Variants in MRPL48 observed in about 807,000 individuals in gnomAD.
MRPL48 encodes large ribosomal subunit protein mL48.
In MRPL48, 16 loss-of-function variants were observed where a neutral mutation model predicts 32.9. That is an observed-to-expected ratio of 0.49 (90% CI 0.33 to 0.74). The LOEUF is 0.74. MRPL48 is among the 30% of genes least tolerant of loss of function. The probability of loss-of-function intolerance (pLI) is 0.02; values close to 1 mark genes in which losing one functional copy is unlikely to be tolerated. For synonymous variants in MRPL48, 94 were observed against 89.2 expected, an observed-to-expected ratio of 1.05 and a Z score of -0.31; for missense variants, 206 against 245.3, an observed-to-expected ratio of 0.84 and a Z score of 1.07.
At chr11:73,845,157 G>T (rs1247689334) in intron 5 of MRPL48, 181 bp downstream of exon 5, 6 of 531,410 alleles carry the variant, frequency 1.1e-5, no homozygotes, top group Non-Finnish European at 1.8e-5. Flanking sequence ...TTGGTGCCCT[G>T]GTGTAGTCAG....
At chr11:73,837,891 G>A (rs750937630) in intron 4 of MRPL48, among the ~76,000 whole-genome samples, 25 of 152,004 alleles carry the variant, frequency 1.6e-4, no homozygotes, top group Non-Finnish European at 2.8e-4. Flanking sequence ...ACTGTTGCCC[G>A]GGCTGGAGTG....
intron 1 of MRPL48, among the ~76,000 whole-genome samples, chr11:73,800,810 C>CTTTTTTTTTTTTT (rs1223951183): frequency 3.0e-5 from 4 of 132,864 alleles, no homozygotes; most frequent in Non-Finnish European, 6.4e-5. Flanking sequence ...TTTTCTTTTT[C>CTTTTTTTTTTTTT]TTTTTTTTTT....
intron 4 of MRPL48, among the ~76,000 whole-genome samples, chr11:73,836,536 G>T (rs1404338319): frequency 6.6e-6 from 1 of 152,052 alleles, no homozygotes; most frequent in African/African-American, 2.4e-5. Context: ...GGTGCTGTAA[G>T]TACTATGTGC....
chr11:73,839,114 A>C (rs1185065741), intron 4 of MRPL48, among the ~76,000 whole-genome samples: 2 of 152,212 alleles, frequency 1.3e-5, no homozygotes, highest in Admixed American at 1.3e-4. Flanking sequence ...TATTTTGTTC[A>C]GTTCTCAAAA....
At chr11:73,858,005 A>T (rs1190351917) in intron 5 of MRPL48, among the ~76,000 whole-genome samples, 1 of 152,192 alleles carries the variant, frequency 6.6e-6, no homozygotes, top group Non-Finnish European at 1.5e-5. Flanking sequence ...TAAAGAATAA[A>T]ACCCATTATT....
chr11:73,847,897 T>C (rs1429121730), intron 5 of MRPL48, among the ~76,000 whole-genome samples: 1 of 152,184 alleles, frequency 6.6e-6, no homozygotes, highest in Non-Finnish European at 1.5e-5. Flanking sequence ...CCTTTGCAGA[T>C]ACGTGTTTTG....
At chr11:73,824,990 C>T (rs1947857237) in intron 3 of MRPL48, among the ~76,000 whole-genome samples, 1 of 152,180 alleles carries the variant, frequency 6.6e-6, no homozygotes, top group South Asian at 2.1e-4. Flanking sequence ...CCCAGTCCTG[C>T]AGTGGAGAAT....
At chr11:73,816,827 A>ATTTTTTTTT in intron 3 of MRPL48, among the ~76,000 whole-genome samples, 1 of 146,838 alleles carries the variant, frequency 6.8e-6, no homozygotes, top group African/African-American at 2.6e-5. Flanking sequence ...TATTTTGTTT[A>ATTTTTTTTT]TTATTTTTTT....
At chr11:73,842,419 A>C (rs1159786082) in intron 4 of MRPL48, 1 of 152,076 alleles carries the variant, frequency 6.6e-6, no homozygotes, top group Non-Finnish European at 1.5e-5. Context: ...TGCTTTTATC[A>C]TTTGTTTTAT....
chr11:73,801,793 T>C (rs1947367460), intron 1 of MRPL48, among the ~76,000 whole-genome samples: 1 of 152,230 alleles, frequency 6.6e-6, no homozygotes, highest in Non-Finnish European at 1.5e-5. Flanking sequence ...ATGCTTATCT[T>C]GTAAAGGTAT....
chr11:73,859,960 G>A lies in MRPL48; in HGVS notation c.425G>A (p.Ser142Asn), dbSNP rs1477844186. Reference sequence around the variant, plus strand: ...GTGTTGCAGTTGCAGGACCAAGGCAGCAAAATGCTCCTGGACTCAGTGCTT... The same window carrying A: ...GTGTTGCAGTTGCAGGACCAAGGCAACAAAATGCTCCTGGACTCAGTGCTT... ...IEVLQLQDQG[S>N]KMLLDSVLTT... Residue 142 changes from serine to asparagine, a missense_variant, in exon 6 of 8, where the codon AGC (serine) becomes AAC (asparagine). By Grantham distance (46) the Ser-to-Asn change is conservative. Coordinates refer to ENST00000310614, the MANE Select transcript of MRPL48 (RefSeq NM_016055.6). 6.2e-7 allele frequency: 1 copy of A among 1,613,856 alleles called. No homozygotes were observed. The highest frequency in any genetic ancestry group is 8.5e-7 in the Non-Finnish European group (1 of 1,179,854).
At chr11:73,802,226 A>AT (rs1947374479) in intron 1 of MRPL48, 2 of 152,208 alleles carry the variant, frequency 1.3e-5, no homozygotes, top group Non-Finnish European at 2.9e-5. Context: ...CAATGCCTGC[A>AT]ATATTGCTTA....
chr11:73,820,294 T>C (rs1947753517), intron 3 of MRPL48, among the ~76,000 whole-genome samples: 1 of 152,118 alleles, frequency 6.6e-6, no homozygotes, highest in South Asian at 2.1e-4. Flanking sequence ...GTTCAATCTC[T>C]GCTCACTGCA....
In MRPL48 at chr11:73,825,704, T is replaced by G; in HGVS notation, c.113-4T>G. 1 of 1,555,752 alleles carries G rather than the reference T, an allele frequency of 6.4e-7. No homozygotes were observed. Among genetic ancestry groups the G allele is most frequent in the South Asian group, 1.2e-5 (1 of 84,220 alleles). On this transcript the variant is annotated splice_polypyrimidine_tract_variant and splice_region_variant and intron_variant, in intron 3 of 7. Transcript: ENST00000310614. ...ACAGGTTTGTCTTATTTTCTCTCTT[T>G]TAGGTGGAATTCTACTAAGTATCAG...
At chr11:73,834,540 G>GTT (rs534340872) in intron 4 of MRPL48, among the ~76,000 whole-genome samples, 8,040 of 121,386 alleles carry the variant, frequency 0.066, 245 homozygotes, top group Middle Eastern at 0.12. Flanking sequence ...TTTTTTTTTT[G>GTT]TTTTTTTTTT....
At chr11:73,804,198 A>G (rs1590938831) in intron 1 of MRPL48, among the ~76,000 whole-genome samples, 2 of 152,060 alleles carry the variant, frequency 1.3e-5, no homozygotes, top group Non-Finnish European at 2.9e-5. Flanking sequence ...GATTATAGGC[A>G]TGAGCCACCG....
intron 3 of MRPL48, among the ~76,000 whole-genome samples, chr11:73,811,580 T>A (rs1050456308): frequency 6.6e-6 from 1 of 152,230 alleles, no homozygotes; most frequent in South Asian, 2.1e-4. Flanking sequence ...ACTTTCATTG[T>A]CTTTTTTGTA....
At chr11:73,799,494 A>G (rs1323592101) in intron 1 of MRPL48, among the ~76,000 whole-genome samples, 1 of 152,230 alleles carries the variant, frequency 6.6e-6, no homozygotes, top group East Asian at 1.9e-4. Context: ...TTGTGGGGTC[A>G]GCTAGAACAT....
At position 73,844,716 on chromosome 11, in the gene MRPL48, A is replaced by G. The variant is rs944139483; in HGVS notation, c.202-91A>G. 30 of 1,394,952 alleles carry G rather than the reference A, an allele frequency of 2.2e-5. 1 individual carries two copies. The highest frequency in any genetic ancestry group is 2.5e-4 in the Middle Eastern group (1 of 3,952). The allele number at this position is 1,394,952 out of a possible 1,614,324, so 86.4% of individuals were successfully genotyped here. On this transcript the variant is annotated intron_variant, in intron 4 of 7. Coordinates refer to ENST00000310614, the MANE Select transcript of MRPL48 (RefSeq NM_016055.6). ...AGAGCAAAATGTGAACAAATTTATT[A>G]GAAAGATTGACTTTTTAAAATATCA...
Sources: gnomAD v4.1 joint callset for allele counts (sites outside exome capture counted in the v4.1 genomes callset) on GRCh38, gnomAD v4.1.1 for gene constraint, MANE v1.5 for transcripts, NCBI Gene and HGNC (gene_info 2026-07-23, HGNC 2026-07-21) for gene names.